The following TGFBR3 variants were observed in gnomAD, a reference collection of about 807,000 sequenced individuals.
TGFBR3 encodes the protein transforming growth factor beta receptor 3.
Under a neutral mutation model 87.9 loss-of-function variants are expected in TGFBR3, and 46 were observed. The observed-to-expected ratio is 0.52, with a 90% CI of 0.41 to 0.67. The LOEUF is 0.67. TGFBR3 is among the 30% of genes least tolerant of loss of function. The pLI, the probability that TGFBR3 is intolerant of heterozygous loss-of-function variation, is 0.00. For missense variants in TGFBR3, 866 were observed against 1,041.9 expected (o/e 0.83, Z 2.32); for synonymous variants, 381 against 391.6 (o/e 0.97, Z 0.32).
At chr1:91,780,912 CACACACACACACACACACACAG>C (rs1213351727) in intron 3 of TGFBR3, among the ~76,000 whole-genome samples, 25 of 151,106 alleles carry the variant, frequency 1.7e-4, no homozygotes, top group African/African-American at 5.6e-4. Context: ...CACACACACA[CACACACACACACACACACACAG>C]AGATCTCATC....
intron 1 of TGFBR3, among the ~76,000 whole-genome samples, chr1:91,873,331 G>A (rs1043245781): frequency 1.6e-5 from 2 of 125,276 alleles, no homozygotes; most frequent in African/African-American, 6.2e-5. Flanking sequence ...TTCCCAGGCT[G>A]TAGTGCAGTG....
At chr1:91,849,699 C>T (rs1677643146) in intron 2 of TGFBR3, among the ~76,000 whole-genome samples, 1 of 152,196 alleles carries the variant, frequency 6.6e-6, no homozygotes. Context: ...ATCTCTCCAA[C>T]ACTTGGAATA....
chr1:91,786,255 G>A, intron 3 of TGFBR3: 1 of 456,176 alleles, frequency 2.2e-6, no homozygotes, highest in Non-Finnish European at 4.4e-6. Flanking sequence ...AATTCATTAT[G>A]AGAGCATTAT....
At chr1:91,903,908 T>G (rs1273020037) in intron 1 of TGFBR3, among the ~76,000 whole-genome samples, 1 of 152,100 alleles carries the variant, frequency 6.6e-6, no homozygotes, top group African/African-American at 2.4e-5. Context: ...GCATGGTGGC[T>G]CACGCCTATA....
intron 2 of TGFBR3, among the ~76,000 whole-genome samples, chr1:91,840,344 T>C (rs1159901381): frequency 6.6e-6 from 1 of 151,678 alleles, no homozygotes; most frequent in Non-Finnish European, 1.5e-5. Flanking sequence ...AATCAATTGT[T>C]CTATCTTGTA....
intron 2 of TGFBR3, among the ~76,000 whole-genome samples, chr1:91,824,743 C>T (rs548744759): frequency 6.6e-5 from 10 of 152,252 alleles, no homozygotes; most frequent in Admixed American, 4.6e-4. Context: ...AGGTGGATCA[C>T]GAGGTCACGA....
rs1361024587 is a variant in TGFBR3, at chr1:91,791,840, C to A, written c.246+5447G>T. Among the ~76,000 whole-genome samples the A allele has an allele frequency of 3.9e-5, 6 of 152,198 alleles. No homozygotes were observed. The East Asian group carries it at 1.2e-3, about 29-fold the overall frequency. ...CAGGCTGACGACAAGACTGGCAGAA[C>A]CAAACAAGTGCCTGGCAGGTGGCTG... On this transcript the variant is annotated intron_variant, in intron 3 of 16. Coordinates refer to ENST00000212355, the MANE Select transcript of TGFBR3 (RefSeq NM_003243.5).
At position 91,738,333 on chromosome 1, in the gene TGFBR3, C is replaced by T. The variant is rs550436510; in HGVS notation, c.385-3374G>A. ...GATATAGTTTGCATATTTGTCCCCA[C>T]CTAAATCTCATGTTGAATGGTAACC... On this transcript the variant is annotated intron_variant, in intron 4 of 16. Coordinates refer to ENST00000212355, the MANE Select transcript of TGFBR3 (RefSeq NM_003243.5). Among the ~76,000 whole-genome samples, 17 of 152,282 alleles carry T rather than the reference C, an allele frequency of 1.1e-4. No homozygotes were observed. In the South Asian group the frequency reaches 3.3e-3, roughly 30 times the overall value.
intron 6 of TGFBR3, 144 bp downstream of exon 6, chr1:91,729,661 C>T (rs1468506915): frequency 1.1e-6 from 1 of 938,116 alleles, no homozygotes; most frequent in Non-Finnish European, 1.7e-6. Context: ...CAATGGCTAC[C>T]TTCCCTCCTG....
intron 3 of TGFBR3, among the ~76,000 whole-genome samples, chr1:91,790,834 T>G (rs1374991200): frequency 1.3e-5 from 2 of 152,200 alleles, no homozygotes; most frequent in African/African-American, 4.8e-5. Flanking sequence ...CTCTCACATA[T>G]GTACTCTCCC....
chr1:91,877,574 T>C (rs1018512772), intron 1 of TGFBR3, among the ~76,000 whole-genome samples: 5 of 152,106 alleles, frequency 3.3e-5, no homozygotes, highest in Non-Finnish European at 5.9e-5. Flanking sequence ...GTGAATGAAA[T>C]TAAAACCTGG....
chr1:91,762,114 G>C (rs931053198), intron 3 of TGFBR3, among the ~76,000 whole-genome samples: 4 of 152,194 alleles, frequency 2.6e-5, no homozygotes, highest in African/African-American at 9.7e-5. Flanking sequence ...AGCTGTGAAG[G>C]CTGGTAGAAC....
intron 4 of TGFBR3, among the ~76,000 whole-genome samples, chr1:91,744,696 C>G (rs898058261): frequency 6.6e-6 from 1 of 152,158 alleles, no homozygotes; most frequent in South Asian, 2.1e-4. Flanking sequence ...ATAATCCTCC[C>G]TCTACCACTC....
In TGFBR3 at chr1:91,811,591, A is replaced by G. The variant is rs115574346; in HGVS notation, c.62-14120T>C. Among the ~76,000 whole-genome samples, 153 of 152,302 alleles carry G rather than the reference A, an allele frequency of 1.0e-3. 1 individual carries two copies. Among genetic ancestry groups the G allele is most frequent in the African/African-American group, 3.5e-3 (146 of 41,574 alleles). On this transcript the variant is annotated intron_variant, in intron 2 of 16. Coordinates refer to ENST00000212355, the MANE Select transcript of TGFBR3 (RefSeq NM_003243.5). ...GTGTCGGGTCAATAAGCAATTTCTG[A>G]AAGGATAAAATCTAAGCAGAGATAT...
intron 2 of TGFBR3, among the ~76,000 whole-genome samples, chr1:91,891,383 A>G (rs1323022785): frequency 6.6e-6 from 1 of 151,762 alleles, no homozygotes; most frequent in Non-Finnish European, 1.5e-5. Flanking sequence ...CTGTAGTCCC[A>G]GCTACTTGGG....
chr1:91,777,572 C>A (rs1674608836), intron 3 of TGFBR3, among the ~76,000 whole-genome samples: 2 of 151,538 alleles, frequency 1.3e-5, no homozygotes, highest in Admixed American at 6.6e-5. Flanking sequence ...TGCCTTCCCC[C>A]AGCCCCAGCC....
In TGFBR3 at chr1:91,847,509, A is replaced by T. The variant is rs188790201; in HGVS notation, c.61+13962T>A. Among the ~76,000 whole-genome samples the T allele has an allele frequency of 2.7e-3, 402 of 151,388 alleles. 3 individuals carry two copies. The highest frequency in any genetic ancestry group is 9.5e-3 in the African/African-American group (392 of 41,182). Reference sequence around the variant, plus strand: ...TCCCAGCTACTCGGGAGGCTGAGGCAGGAGAATCGCTTGAACCCAGTAGGC... The same window carrying T: ...TCCCAGCTACTCGGGAGGCTGAGGCTGGAGAATCGCTTGAACCCAGTAGGC... On this transcript the variant is annotated intron_variant, in intron 2 of 16. Coordinates refer to ENST00000212355, the MANE Select transcript of TGFBR3 (RefSeq NM_003243.5).
At chr1:91,781,433 C>T (rs930386923) in intron 3 of TGFBR3, among the ~76,000 whole-genome samples, 4 of 152,180 alleles carry the variant, frequency 2.6e-5, no homozygotes, top group African/African-American at 9.7e-5. Context: ...TGCTGCGCTG[C>T]CTGTGCTATG....
In TGFBR3 at chr1:91,797,238, T is replaced by C; in HGVS notation, c.246+49A>G. The C allele has an allele frequency of 2.5e-6, 4 of 1,596,356 alleles. No individual in the cohort carries two copies. In the South Asian group the frequency reaches 4.4e-5, roughly 18 times the overall value. ...AAAAGGACTTCTGTCCAGAAAATCA[T>C]CTCTGCAGACTCAGTGGCAGTGGGC... On this transcript the variant is annotated intron_variant, in intron 3 of 16. Coordinates refer to ENST00000212355, the MANE Select transcript of TGFBR3 (RefSeq NM_003243.5).
Sources: gnomAD v4.1 joint callset for allele counts (sites outside exome capture counted in the v4.1 genomes callset) on GRCh38, gnomAD v4.1.1 for gene constraint, MANE v1.5 for transcripts, NCBI Gene and HGNC (gene_info 2026-07-23, HGNC 2026-07-21) for gene names.